IL16: variants seen among roughly 807,000 people sequenced by gnomAD.
IL16 encodes the protein interleukin 16, also known as pro-interleukin-16.
Under a neutral mutation model 110.1 loss-of-function variants are expected in IL16, and 67 were observed. That is an observed-to-expected ratio of 0.61 (90% CI 0.50 to 0.75). The LOEUF is 0.75. IL16 is among the 30% of genes least tolerant of loss of function. The pLI is 0.00. For missense variants in IL16, 1,545 were observed against 1,655.0 expected (o/e 0.93, Z 1.15); for synonymous variants, 689 against 662.9 (o/e 1.04, Z -0.61).
chr15:81,245,418 A>G (rs1403277873), intron 2 of IL16, among the ~76,000 whole-genome samples: 2 of 152,190 alleles, frequency 1.3e-5, no homozygotes, highest in Non-Finnish European at 2.9e-5. Context: ...TTAATGTTGT[A>G]TAGAGATGTG....
Position 81,225,204 on chromosome 15 carries a change from C to A in IL16, c.-101-95C>A, listed in dbSNP as rs1896745855. ...CTGCCCATCTGTCCTGCTTCACGGG[C>A]ACCAAGAACCCGTGGCTCAGATCCA... On this transcript the variant is annotated intron_variant, in intron 1 of 18. Coordinates refer to ENST00000683961, the MANE Select transcript of IL16 (RefSeq NM_172217.5). 1.0e-5 allele frequency: 10 copies of A among 997,272 alleles called. No individual in the cohort carries two copies. The South Asian group carries it at 1.4e-4, about 14-fold the overall frequency. The allele number at this position is 997,272 out of a possible 1,614,324, so 61.8% of individuals were successfully genotyped here. A position where few individuals can be genotyped will look rare whatever the true frequency, so the allele number is the denominator to read the frequency against.
intron 1 of IL16, among the ~76,000 whole-genome samples, chr15:81,210,360 C>T (rs547772156): frequency 1.2e-4 from 19 of 152,068 alleles, no homozygotes; most frequent in Non-Finnish European, 2.2e-4. Context: ...TTTTTGATTC[C>T]GTATGAATTT....
chr15:81,189,498 T>A (rs1054989189), intron 1 of IL16, among the ~76,000 whole-genome samples: 4 of 152,182 alleles, frequency 2.6e-5, no homozygotes, highest in Non-Finnish European at 5.9e-5. Context: ...TTTCCCAGGC[T>A]GGTCTTGAAC....
intron 1 of IL16, among the ~76,000 whole-genome samples, chr15:81,211,827 G>A (rs1200672477): frequency 1.3e-5 from 2 of 152,100 alleles, no homozygotes; most frequent in African/African-American, 4.8e-5. Flanking sequence ...ATTGATTTAT[G>A]TATATTGAAC....
At chr15:81,232,614 C>T (rs1471552374) in intron 2 of IL16, among the ~76,000 whole-genome samples, 1 of 152,122 alleles carries the variant, frequency 6.6e-6, no homozygotes, top group Non-Finnish European at 1.5e-5. Flanking sequence ...TATTGAGATG[C>T]TCGTATGGAG....
chr15:81,295,055 T>A (rs532063404), intron 12 of IL16, among the ~76,000 whole-genome samples: 1 of 152,282 alleles, frequency 6.6e-6, no homozygotes, highest in East Asian at 1.9e-4. Context: ...TTGGGATATT[T>A]TCTTCAACAA....
In IL16 at chr15:81,303,341, C is replaced by G; in HGVS notation, c.3319-208C>G. The G allele has an allele frequency of 1.8e-6, 1 of 555,728 alleles. No homozygotes were observed. The highest frequency in any genetic ancestry group is 3.2e-6 in the Non-Finnish European group (1 of 312,184). 34.4% of individuals were successfully genotyped at this position (555,728 alleles called of 1,614,324 possible). A position where few individuals can be genotyped will look rare whatever the true frequency, so the allele number is the denominator to read the frequency against. On this transcript the variant is annotated intron_variant, in intron 15 of 18. Transcript: ENST00000683961. This position sits in a 1 kb window ranked among gnomAD's most constrained non-coding sequence, Gnocchi z 4.1. ...GAAAATAATTATGCTTGCTGCTTTA[C>G]ATACATTTTTTTTTTCTTCTAAGCT...
At chr15:81,296,855 C>G (rs1422257096) in intron 12 of IL16, 73 bp from the exon 13 acceptor site, 1 of 1,371,504 alleles carries the variant, frequency 7.3e-7, no homozygotes, top group Non-Finnish European at 1.0e-6. Flanking sequence ...CCGTCCCAAT[C>G]AAAGCGTGTC....
intron 4 of IL16, among the ~76,000 whole-genome samples, chr15:81,267,487 C>CACACACACACACACACAT (rs1469598716): frequency 7.1e-6 from 1 of 141,148 alleles, no homozygotes; most frequent in African/African-American, 3.0e-5. Flanking sequence ...CAGACACACA[C>CACACACACACACACACAT]ACACACACAC....
chr15:81,290,934 CATTT>C (rs1238275014), intron 11 of IL16, among the ~76,000 whole-genome samples: 1 of 152,174 alleles, frequency 6.6e-6, no homozygotes, highest in African/African-American at 2.4e-5. Context: ...ATAATTCTGA[CATTT>C]ATTTAATTCT....
intron 1 of IL16, among the ~76,000 whole-genome samples, chr15:81,190,089 AG>A (rs1479113485): frequency 6.6e-6 from 1 of 152,238 alleles, no homozygotes; most frequent in African/African-American, 2.4e-5. Flanking sequence ...TGTGACAGCC[AG>A]AAAAGACGAG....
At chr15:81,199,031 ATATATATAT>A (rs1226562410) in intron 1 of IL16, among the ~76,000 whole-genome samples, 75 of 96,774 alleles carry the variant, frequency 7.8e-4, no homozygotes, top group African/African-American at 3.1e-3. Context: ...AAAAAAAAAA[ATATATATAT>A]ATATATATAT....
chr15:81,261,459 G>C (rs1898153065), intron 3 of IL16, among the ~76,000 whole-genome samples: 2 of 152,158 alleles, frequency 1.3e-5, no homozygotes, highest in Non-Finnish European at 2.9e-5. Flanking sequence ...GAGCCACCAG[G>C]GTGTTTCTTC....
Position 81,196,983 on chromosome 15 carries a change from G to A in IL16, c.-271G>A, listed in dbSNP as rs8037800. ...GGATCTGACTCAAAGGCCGGCCTCC[G>A]TCTGAGAACTGAGCGTCCATTTCTC... On this transcript the variant is annotated 5_prime_UTR_variant, in exon 1 of 19. Transcript: ENST00000683961. 93,074 of 1,279,788 alleles carry A rather than the reference G, an allele frequency of 0.073. 9,003 individuals carry two copies. Among genetic ancestry groups the A allele is most frequent in the East Asian group, 0.42 (7,556 of 17,852 alleles). 79.3% of individuals were successfully genotyped at this position (1,279,788 alleles called of 1,614,324 possible).
chr15:81,198,364 C>T (rs1895676326), intron 1 of IL16, among the ~76,000 whole-genome samples: 1 of 152,062 alleles, frequency 6.6e-6, no homozygotes, highest in Admixed American at 6.5e-5. Flanking sequence ...GCTAGACGTT[C>T]CCAGGACCCA....
intron 14 of IL16, 90 bp from the exon 15 acceptor site, chr15:81,301,254 C>T: frequency 8.5e-7 from 1 of 1,175,944 alleles, no homozygotes; most frequent in Non-Finnish European, 1.2e-6. Context: ...AAGTGCTTGG[C>T]ACCACACCTG....
chr15:81,298,794 T>C (rs1900117910), intron 13 of IL16, among the ~76,000 whole-genome samples: 1 of 152,044 alleles, frequency 6.6e-6, no homozygotes, highest in African/African-American at 2.4e-5. Flanking sequence ...GGTACATACA[T>C]GGGAAATGCT....
intron 5 of IL16, among the ~76,000 whole-genome samples, chr15:81,271,434 C>G (rs1300412361): frequency 6.6e-6 from 1 of 152,094 alleles, no homozygotes; most frequent in Non-Finnish European, 1.5e-5. Flanking sequence ...GATAGAGCCA[C>G]TGCACTCCAG....
At position 81,313,470 on chromosome 15, in the gene IL16, G is replaced by C. The variant is rs1900977112; in HGVS notation, c.*4672G>C. 7.1e-7 allele frequency: 1 copy of C among 1,415,872 alleles called. No individual in the cohort carries two copies. The highest frequency in any genetic ancestry group is 1.6e-5 in the South Asian group (1 of 60,806). 87.7% of individuals were successfully genotyped at this position (1,415,872 alleles called of 1,614,324 possible). ...AGGTGCTGGGGACGAGCGCCAGGCA[G>C]GTGAGCAGAGCCCAGCCCAGTGGAA... On this transcript the variant is annotated 3_prime_UTR_variant, in exon 19 of 19. Coordinates refer to ENST00000683961, the MANE Select transcript of IL16 (RefSeq NM_172217.5).
Sources: allele counts gnomAD v4.1 joint callset (sites outside exome capture counted in the v4.1 genomes callset), GRCh38; gene constraint gnomAD v4.1.1; non-coding constraint Gnocchi (gnomAD v3.1); transcripts MANE v1.5; gene names NCBI Gene and HGNC (gene_info 2026-07-23, HGNC 2026-07-21).